Variants in RDM1 observed in about 807,000 individuals in gnomAD.
RDM1 encodes RAD52 motif-containing protein 1.
RDM1 carries 28 observed loss-of-function variants against 27.7 expected under a neutral mutation model. The observed-to-expected ratio is 1.01, with a 90% CI of 0.75 to 1.39. RDM1 has a LOEUF of 1.39. Among genes scored for constraint, RDM1 ranks in the 40% most tolerant of loss-of-function variants. The probability of loss-of-function intolerance (pLI) is 0.00; values close to 1 mark genes in which losing one functional copy is unlikely to be tolerated. For synonymous variants in RDM1, 124 were observed against 127.5 expected (o/e 0.97, Z 0.19); for missense variants, 277 against 337.3 (o/e 0.82, Z 1.40).
intron 4 of RDM1, 83 bp downstream of exon 4, chr17:35,924,521 G>T: frequency 7.0e-7 from 1 of 1,425,956 alleles, no homozygotes; most frequent in Non-Finnish European, 9.5e-7. Context: ...TATCTGAAAA[G>T]ATGAGTTTTG....
intron 4 of RDM1, among the ~76,000 whole-genome samples, 156 bp downstream of exon 4, chr17:35,924,448 G>A (rs4796137): frequency 0.16 from 23,706 of 152,104 alleles, 1,995 homozygotes; most frequent in South Asian, 0.28. Context: ...AAAACCCTAT[G>A]TTGTAAGACA....
At chr17:35,922,385 T>C in intron 5 of RDM1, 192 bp downstream of exon 5, 1 of 654,536 alleles carries the variant, frequency 1.5e-6, no homozygotes, top group Admixed American at 3.6e-5. Flanking sequence ...CTGGGGACAA[T>C]ATTTGCTGTC....
At chr17:35,926,434 C>T (rs962441245) in intron 2 of RDM1, among the ~76,000 whole-genome samples, 7 of 151,546 alleles carry the variant, frequency 4.6e-5, no homozygotes, top group Admixed American at 3.3e-4. Flanking sequence ...GACGGAGTCT[C>T]GCTCTGTCAC....
chr17:35,926,023 A>T (rs867447669), intron 2 of RDM1, among the ~76,000 whole-genome samples: 3 of 151,776 alleles, frequency 2.0e-5, no homozygotes, highest in South Asian at 4.2e-4. Context: ...AGTCCCAGCT[A>T]CTCGGGAGGC....
At chr17:35,930,052 T>G (rs768783686) in intron 2 of RDM1, 24 bp downstream of exon 2, 2 of 1,597,166 alleles carry the variant, frequency 1.3e-6, no homozygotes, top group South Asian at 2.2e-5. Context: ...TCAGCGGAGC[T>G]AGGAATTCCA....
intron 2 of RDM1, 88 bp downstream of exon 2, chr17:35,929,988 G>T: frequency 8.2e-7 from 1 of 1,212,978 alleles, no homozygotes; most frequent in Non-Finnish European, 1.2e-6. Context: ...AAAATATTCT[G>T]TAAACCAGCG....
In RDM1 at chr17:35,925,763, C is replaced by A. The variant is rs7222534; in HGVS notation, c.277-126G>T. 4.0e-3 allele frequency: 4,369 copies of A among 1,079,248 alleles called. 113 individuals carry two copies. The African/African-American group carries it at 0.057, about 14-fold the overall frequency. 66.9% of individuals were successfully genotyped at this position (1,079,248 alleles called of 1,614,324 possible). On this transcript the variant is annotated intron_variant, in intron 2 of 6. Coordinates refer to ENST00000620284, the MANE Select transcript of RDM1 (RefSeq NM_145654.4). ...GTTACTGTCTTCCCATTCAGTAGTT[C>A]CTGCTTGAGAATATGACCTGAATAT...
intron 2 of RDM1, among the ~76,000 whole-genome samples, chr17:35,929,584 G>A (rs895659606): frequency 6.6e-6 from 1 of 152,198 alleles, no homozygotes; most frequent in Non-Finnish European, 1.5e-5. Flanking sequence ...TGGGACTACA[G>A]GCGCATGCCA....
At chr17:35,920,313 A>T in intron 5 of RDM1, 41 bp from the exon 6 acceptor site, 1 of 1,041,574 alleles carries the variant, frequency 9.6e-7, no homozygotes, top group Non-Finnish European at 1.5e-6. Context: ...AATCTTTTTC[A>T]TTCTAAAACT....
chr17:35,918,688 A>G (rs1399212341), intron 6 of RDM1, among the ~76,000 whole-genome samples: 1 of 152,102 alleles, frequency 6.6e-6, no homozygotes, highest in Non-Finnish European at 1.5e-5. Context: ...TTGACTTAAC[A>G]CAGCCATTAC....
intron 3 of RDM1, 138 bp from the exon 4 acceptor site, chr17:35,924,910 C>T (rs1232206245): frequency 2.0e-5 from 14 of 694,400 alleles, no homozygotes; most frequent in South Asian, 6.3e-5. Flanking sequence ...CCGAGGTGGG[C>T]GGATCACGAG....
At chr17:35,925,834 C>T (rs1247084622) in intron 2 of RDM1, among the ~76,000 whole-genome samples, 197 bp from the exon 3 acceptor site, 2 of 152,064 alleles carry the variant, frequency 1.3e-5, no homozygotes, top group East Asian at 3.8e-4. Flanking sequence ...AGTTACTAAC[C>T]CGTTAAAAGA....
intron 2 of RDM1, among the ~76,000 whole-genome samples, chr17:35,925,909 T>C (rs868380176): frequency 3.9e-5 from 6 of 151,920 alleles, no homozygotes; most frequent in Admixed American, 1.3e-4. Context: ...CTGAGGCAGG[T>C]GGATCACAAA....
intron 6 of RDM1, 92 bp downstream of exon 6, chr17:35,920,095 G>T: frequency 1.5e-6 from 1 of 667,094 alleles, no homozygotes; most frequent in Non-Finnish European, 2.6e-6. Context: ...ATTTTCCTAA[G>T]AATGAAACAA....
chr17:35,927,005 T>C (rs1331722100), intron 2 of RDM1, among the ~76,000 whole-genome samples: 1 of 149,234 alleles, frequency 6.7e-6, no homozygotes, highest in East Asian at 2.0e-4. Context: ...TGAGTCACAG[T>C]GGAGCCTTTC....
chr17:35,919,613 G>C (rs1398004423), intron 6 of RDM1, among the ~76,000 whole-genome samples: 1 of 152,200 alleles, frequency 6.6e-6, no homozygotes. Flanking sequence ...TGGTATAGCT[G>C]TATAGGGATA....
chr17:35,930,222 G>A lies in RDM1; in HGVS notation c.130C>T (p.Leu44Phe). ...SLFTAFSQFG[L>F]LYSVRVFPNA... ...GGGAAGACCCGGACTGAATACAGAA[G>A]GCCAAACTGAGAAAATGCTGTGAAC... is the stretch of plus-strand genomic sequence containing the variant. Residue 44 changes from leucine to phenylalanine, a missense_variant, in exon 2 of 7, where the codon CTT becomes TTT. Coordinates refer to ENST00000620284, the MANE Select transcript of RDM1 (RefSeq NM_145654.4). 1.2e-6 allele frequency: 2 copies of A among 1,614,092 alleles called. No homozygotes were observed. The highest frequency in any genetic ancestry group is 1.7e-6 in the Non-Finnish European group (2 of 1,180,044).
chr17:35,926,419 T>C (rs2089150934), intron 2 of RDM1, among the ~76,000 whole-genome samples: 1 of 152,150 alleles, frequency 6.6e-6, no homozygotes, highest in South Asian at 2.1e-4. Context: ...TTTTTTTTTT[T>C]CTGAGACGGA....
At position 35,930,764 on chromosome 17, in the gene RDM1, C is replaced by T; in HGVS notation, c.-37G>A. The T allele has an allele frequency of 3.1e-6, 5 of 1,594,334 alleles. No homozygotes were observed. The highest frequency in any genetic ancestry group is 4.3e-6 in the Non-Finnish European group (5 of 1,167,186). On this transcript the variant is annotated 5_prime_UTR_variant, in exon 1 of 7. Transcript: ENST00000620284. The stretch of plus-strand genomic sequence containing the variant: ...CGCACCTGCGCGGCTAACCCTCGCC[C>T]CAGCATTGCGCCTGCGCAAGGCACG...
Sources: gnomAD v4.1 joint callset for allele counts (sites outside exome capture counted in the v4.1 genomes callset) on GRCh38, gnomAD v4.1.1 for gene constraint, MANE v1.5 for transcripts, NCBI Gene and HGNC (gene_info 2026-07-23, HGNC 2026-07-21) for gene names.